ANAPC10: variants seen among roughly 807,000 people sequenced by gnomAD.
The protein encoded by ANAPC10 is anaphase-promoting complex subunit 10.
A neutral mutation model predicts 22.0 loss-of-function variants in ANAPC10; 12 were observed. The observed-to-expected ratio is 0.55, with a 90% CI of 0.35 to 0.88. ANAPC10 has a LOEUF of 0.88. Ranked by LOEUF, ANAPC10 falls within the 40% of genes least tolerant of loss-of-function variation. The pLI, the probability that ANAPC10 is intolerant of heterozygous loss-of-function variation, is 0.01. For missense variants in ANAPC10, 188 were observed against 220.9 expected (o/e 0.85, Z 0.94); for synonymous variants, 65 against 69.5 (o/e 0.94, Z 0.32).
chr4:144,997,609 C>T (rs1242441634), intron 4 of ANAPC10, among the ~76,000 whole-genome samples: 3 of 152,132 alleles, frequency 2.0e-5, no homozygotes, highest in African/African-American at 7.2e-5. Context: ...ACAACCAGTA[C>T]CAGACACTGC....
intron 4 of ANAPC10, among the ~76,000 whole-genome samples, chr4:145,021,401 C>A (rs988739934): frequency 3.3e-5 from 5 of 151,818 alleles, no homozygotes; most frequent in African/African-American, 1.2e-4. Context: ...TCTTCAACAA[C>A]TACACAAAAA....
chr4:145,083,381 C>G (rs886894766), intron 2 of ANAPC10, among the ~76,000 whole-genome samples: 2 of 152,094 alleles, frequency 1.3e-5, no homozygotes, highest in African/African-American at 4.8e-5. Flanking sequence ...CTATTACAAA[C>G]AATACTGCAA....
intron 4 of ANAPC10, among the ~76,000 whole-genome samples, chr4:145,004,029 A>T (rs1732973075): frequency 6.7e-6 from 1 of 150,242 alleles, no homozygotes; most frequent in Non-Finnish European, 1.5e-5. Flanking sequence ...ATTTTTTTTG[A>T]GTAGTATCTT....
chr4:145,017,962 C>G lies in ANAPC10; in HGVS notation c.328-22359G>C, dbSNP rs573504550. On this transcript the variant is annotated intron_variant, in intron 4 of 4. Coordinates refer to ENST00000507656, the MANE Select transcript of ANAPC10 (RefSeq NM_001256706.2). ...GAAGGGAAACATCACACACCGGGGCCTGTTGTGGGGTGGGGGGAGGGGGGA... is the reference window on the plus strand; with the variant it reads ...GAAGGGAAACATCACACACCGGGGCGTGTTGTGGGGTGGGGGGAGGGGGGA... Among the ~76,000 whole-genome samples, 44 of 105,484 alleles carry G rather than the reference C, an allele frequency of 4.2e-4. No individual in the cohort carries two copies. The East Asian group carries it at 0.012, about 29-fold the overall frequency. 69.2% of individuals were successfully genotyped at this position (105,484 alleles called of 152,430 possible).
At chr4:145,013,729 C>G (rs970596998) in intron 4 of ANAPC10, among the ~76,000 whole-genome samples, 2 of 152,078 alleles carry the variant, frequency 1.3e-5, no homozygotes, top group African/African-American at 2.4e-5. Context: ...TCTGCTCCTG[C>G]AGGACCCAGG....
chr4:145,075,656 G>A (rs1252653898), intron 3 of ANAPC10, among the ~76,000 whole-genome samples: 3 of 152,150 alleles, frequency 2.0e-5, no homozygotes, highest in Non-Finnish European at 4.4e-5. Context: ...GCAGCTCCTG[G>A]GGAAGAATTA....
chr4:145,053,928 T>G, intron 4 of ANAPC10: 1 of 422,504 alleles, frequency 2.4e-6, no homozygotes, highest in East Asian at 3.5e-5. Flanking sequence ...GTTTTTTTTT[T>G]AGATGAAGTC....
chr4:145,033,734 C>A (rs559277974), intron 4 of ANAPC10, among the ~76,000 whole-genome samples: 1 of 152,276 alleles, frequency 6.6e-6, no homozygotes, highest in East Asian at 1.9e-4. Context: ...GAGGTGCTTG[C>A]TGAAGGCAAA....
At chr4:144,996,736 T>G (rs1278622178) in intron 4 of ANAPC10, among the ~76,000 whole-genome samples, 1 of 151,144 alleles carries the variant, frequency 6.6e-6, no homozygotes, top group Non-Finnish European at 1.5e-5. Context: ...GGAGAATGAC[T>G]TTGACGAGTT....
intron 3 of ANAPC10, among the ~76,000 whole-genome samples, chr4:145,067,863 T>C (rs1274197489): frequency 1.3e-5 from 2 of 152,192 alleles, no homozygotes; most frequent in Non-Finnish European, 2.9e-5. Context: ...TAGAGCCATA[T>C]GACTAAGTTA....
chr4:145,029,936 T>G (rs1395009107), intron 4 of ANAPC10, among the ~76,000 whole-genome samples: 1 of 152,170 alleles, frequency 6.6e-6, no homozygotes, highest in Non-Finnish European at 1.5e-5. Context: ...GATCTAACGA[T>G]GAGAACCACG....
intron 4 of ANAPC10, among the ~76,000 whole-genome samples, chr4:145,017,436 G>C (rs1735347217): frequency 6.6e-6 from 1 of 152,208 alleles, no homozygotes; most frequent in African/African-American, 2.4e-5. Context: ...TCTCACACCA[G>C]TTAGAATGGC....
intron 4 of ANAPC10, among the ~76,000 whole-genome samples, chr4:145,034,428 T>C (rs886294827): frequency 7.3e-5 from 11 of 151,634 alleles, no homozygotes; most frequent in African/African-American, 2.7e-4. Context: ...TTCTTTAGTT[T>C]TGGGACTCTG....
intron 3 of ANAPC10, among the ~76,000 whole-genome samples, chr4:145,076,881 T>C (rs993676323): frequency 6.6e-6 from 1 of 152,160 alleles, no homozygotes; most frequent in Non-Finnish European, 1.5e-5. Context: ...GACTGGTTCT[T>C]CAAATCAATT....
At chr4:145,077,016 G>A (rs754077724) in intron 3 of ANAPC10, among the ~76,000 whole-genome samples, 7 of 152,130 alleles carry the variant, frequency 4.6e-5, no homozygotes, top group Admixed American at 6.6e-5. Context: ...TGGCTGAAAC[G>A]GTGAAACCCT....
intron 4 of ANAPC10, among the ~76,000 whole-genome samples, chr4:145,033,971 T>G (rs628499): frequency 6.6e-6 from 1 of 152,230 alleles, no homozygotes; most frequent in Non-Finnish European, 1.5e-5. Context: ...TTAAGTATTG[T>G]TAACTTCATG....
chr4:145,010,829 A>G (rs1053102931), intron 4 of ANAPC10, among the ~76,000 whole-genome samples: 2 of 152,124 alleles, frequency 1.3e-5, no homozygotes, highest in African/African-American at 4.8e-5. Context: ...ATAATAAAAA[A>G]TAAATAAATA....
intron 4 of ANAPC10, among the ~76,000 whole-genome samples, chr4:145,050,140 G>C (rs962116690): frequency 3.3e-5 from 5 of 152,194 alleles, no homozygotes; most frequent in African/African-American, 1.2e-4. Context: ...CTAAAGAAAT[G>C]TATAAGACTT....
At chr4:145,087,746 TACA>T (rs911067447) in intron 2 of ANAPC10, among the ~76,000 whole-genome samples, 2 of 152,092 alleles carry the variant, frequency 1.3e-5, no homozygotes, top group Non-Finnish European at 2.9e-5. Context: ...GAAGTATTAG[TACA>T]ACAATAAAGA....
Sources: allele counts gnomAD v4.1 joint callset (sites outside exome capture counted in the v4.1 genomes callset), GRCh38; gene constraint gnomAD v4.1.1; transcripts MANE v1.5; gene names NCBI Gene and HGNC (gene_info 2026-07-23, HGNC 2026-07-21).